CLSTN3: variants seen among roughly 807,000 people sequenced by gnomAD.
CLSTN3 encodes calsyntenin 3, also known as calsyntenin-3.
In CLSTN3, 36 loss-of-function variants were observed where a neutral mutation model predicts 95.9. That is an observed-to-expected ratio of 0.38 (90% CI 0.29 to 0.50). CLSTN3 has a LOEUF of 0.50. Among genes scored for constraint, CLSTN3 ranks in the 20% least tolerant of loss-of-function variants. The probability of loss-of-function intolerance (pLI) is 0.95; values close to 1 mark genes in which losing one functional copy is unlikely to be tolerated. For synonymous variants in CLSTN3, 481 were observed against 504.0 expected, an observed-to-expected ratio of 0.95 and a Z score of 0.61; for missense variants, 1,084 against 1,268.8, an observed-to-expected ratio of 0.85 and a Z score of 2.21.
intron 1 of CLSTN3, chr12:7,131,809 G>T (rs1939309782): frequency 6.6e-6 from 3 of 456,378 alleles, no homozygotes; most frequent in South Asian, 4.6e-5. Flanking sequence ...TTTCTCCTCA[G>T]CATTCAGGAA....
intron 16 of CLSTN3, chr12:7,156,612 G>A (rs1939821433): frequency 2.2e-6 from 1 of 456,644 alleles, no homozygotes; most frequent in East Asian, 6.9e-5. Flanking sequence ...CGGGTGTGGG[G>A]CGTGGCAACC....
Position 7,150,912 on chromosome 12 carries a change from C to T in CLSTN3, c.2392-16C>T, listed in dbSNP as rs1262210449. 2 of 1,567,878 alleles carry T rather than the reference C, an allele frequency of 1.3e-6. No individual in the cohort carries two copies. Among genetic ancestry groups the T allele is most frequent in the South Asian group, 2.4e-5 (2 of 84,592 alleles). ...GGGAGAAGCGTGTGTGCCCATGGAG[C>T]CCTCCCTCTGCCCAGGTCAATGTCC... On this transcript the variant is annotated splice_polypyrimidine_tract_variant and intron_variant, in intron 15 of 17. Coordinates refer to ENST00000266546, the MANE Select transcript of CLSTN3 (RefSeq NM_014718.4). This position sits in a 1 kb window ranked among gnomAD's most constrained non-coding sequence, Gnocchi z 4.0.
intron 16 of CLSTN3, among the ~76,000 whole-genome samples, chr12:7,155,198 G>A (rs923640952): frequency 6.6e-6 from 1 of 152,176 alleles, no homozygotes; most frequent in East Asian, 1.9e-4. Flanking sequence ...CAGATCTCAT[G>A]TAGCAAGAAA....
intron 1 of CLSTN3, chr12:7,131,837 C>T: frequency 2.2e-6 from 1 of 456,406 alleles, no homozygotes; most frequent in Admixed American, 2.3e-5. Flanking sequence ...TGGTGGTCAT[C>T]AGTAAGAAAG....
Position 7,135,367 on chromosome 12 carries a change from G to T in CLSTN3, c.424G>T (p.Ala142Ser), listed in dbSNP as rs1201579728. 1 of 1,614,030 alleles carries T rather than the reference G, an allele frequency of 6.2e-7. No individual in the cohort carries two copies. Among genetic ancestry groups the T allele is most frequent in the Non-Finnish European group, 8.5e-7 (1 of 1,180,018 alleles). The change falls in exon 4 of 18, where the codon GCC becomes TCC. Residue 142 changes from alanine (A) to serine (S), a missense_variant. Ala to Ser is a moderately conservative substitution (Grantham distance 99). Coordinates refer to ENST00000266546, the MANE Select transcript of CLSTN3 (RefSeq NM_014718.4). Reference sequence around the variant, plus strand: ...GCGGGTCAACGATGTGAACGAGTTTGCCCCAGTGTTTGTGGAACGGCTGTA... The same window carrying T: ...GCGGGTCAACGATGTGAACGAGTTTTCCCCAGTGTTTGTGGAACGGCTGTA... Reference protein sequence around the residue: ...HVRVNDVNEFAPVFVERLYRA... With the variant: ...HVRVNDVNEFSPVFVERLYRA...
intron 5 of CLSTN3, 53 bp downstream of exon 5, chr12:7,136,006 CTCTT>C (rs1241163097): frequency 1.3e-6 from 2 of 1,557,212 alleles, no homozygotes; most frequent in Non-Finnish European, 1.7e-6. Flanking sequence ...TTCTTGGTCT[CTCTT>C]TCTGTCCTTT....
intron 5 of CLSTN3, 31 bp from the exon 6 acceptor site, chr12:7,136,175 C>T: frequency 6.3e-7 from 1 of 1,598,634 alleles, no homozygotes; most frequent in Non-Finnish European, 8.6e-7. Context: ...CCTTCTCTCT[C>T]CCCATCACCC....
rs1420714608 is a variant in CLSTN3, at chr12:7,133,348, T to C, written c.187+202T>C. 1.3e-5 allele frequency among the ~76,000 whole-genome samples: 2 copies of C among 151,974 alleles called. No individual in the cohort carries two copies. Among genetic ancestry groups the C allele is most frequent in the African/African-American group, 2.4e-5 (1 of 41,358 alleles). ...AGAAAAGGACATGGCCAGGCAAGGGTTAAACACATCATGATTTTGTCAGAT... is the reference window on the plus strand; with the variant it reads ...AGAAAAGGACATGGCCAGGCAAGGGCTAAACACATCATGATTTTGTCAGAT... On this transcript the variant is annotated intron_variant, in intron 2 of 17. Coordinates refer to ENST00000266546, the MANE Select transcript of CLSTN3 (RefSeq NM_014718.4). This position sits in a 1 kb window ranked among gnomAD's most constrained non-coding sequence, Gnocchi z 4.7.
At chr12:7,147,735 G>A (rs1164820799) in intron 12 of CLSTN3, among the ~76,000 whole-genome samples, 2 of 151,792 alleles carry the variant, frequency 1.3e-5, no homozygotes, top group Admixed American at 1.3e-4. Context: ...GGCTGATCTC[G>A]AACTCCTAAG....
rs747559188 is a variant in CLSTN3, at chr12:7,157,604, C to T, written c.2643C>T (p.Gly881=). Reference sequence around the variant, plus strand: ...TTCACCGCCGCGTCTCAGGGGCCGGCGGGCCTCCAGGGGCCTCCAGTGACC... The same window carrying T: ...TTCACCGCCGCGTCTCAGGGGCCGGTGGGCCTCCAGGGGCCTCCAGTGACC... ...HSLHRRVSGA[G]GPPGASSDPK... is the part of the protein sequence containing the mutation. Residue 881 remains glycine (G), a synonymous_variant, in exon 17 of 18, where the codon GGC becomes GGT. Coordinates refer to ENST00000266546, the MANE Select transcript of CLSTN3 (RefSeq NM_014718.4). This position sits in a 1 kb window ranked among gnomAD's most constrained non-coding sequence, Gnocchi z 5.9. The T allele has an allele frequency of 6.1e-5, 99 of 1,612,088 alleles. No homozygotes were observed. The East Asian group carries it at 9.6e-4, about 16-fold the overall frequency.
chr12:7,138,155 C>A (rs1939463054), intron 8 of CLSTN3, 88 bp downstream of exon 8: 1 of 953,418 alleles, frequency 1.0e-6, no homozygotes, highest in African/African-American at 1.6e-5. Flanking sequence ...TCAGCATTTT[C>A]TGGGTTCCCC....
chr12:7,156,378 T>C (rs1203490705), intron 16 of CLSTN3: 1 of 456,782 alleles, frequency 2.2e-6, no homozygotes, highest in Non-Finnish European at 4.4e-6. Flanking sequence ...GCTGTGCTCA[T>C]GGCGGCTCGC....
chr12:7,146,445 A>C (rs1434729339), intron 12 of CLSTN3, among the ~76,000 whole-genome samples: 2 of 151,884 alleles, frequency 1.3e-5, no homozygotes, highest in Admixed American at 1.3e-4. Context: ...TTATCATGGC[A>C]TTTAAAGCTG....
In CLSTN3 at chr12:7,136,353, G is replaced by A. The variant is rs1330525617; in HGVS notation, c.890G>A (p.Arg297His). Reference sequence around the variant, plus strand: ...AGCCATGTGGCCAAGGGCTGTGACCGTGACAACTACTCAGAGCGGGCGCTG... The same window carrying A: ...AGCCATGTGGCCAAGGGCTGTGACCATGACAACTACTCAGAGCGGGCGCTG... ...QTSHVAKGCD[R>H]DNYSERALRK... The change falls in exon 6 of 18, where the codon CGT becomes CAT. Residue 297 changes from arginine (R) to histidine (H), a missense_variant. Arg to His is a conservative substitution (Grantham distance 29). Transcript: ENST00000266546. 5 of 1,613,936 alleles carry A rather than the reference G, an allele frequency of 3.1e-6. No individual in the cohort carries two copies. Among genetic ancestry groups the A allele is most frequent in the Non-Finnish European group, 4.2e-6 (5 of 1,179,970 alleles).
Position 7,130,863 on chromosome 12 carries a change from G to C in CLSTN3, c.64+151G>C, listed in dbSNP as rs980085545. The C allele has an allele frequency of 4.3e-6, 3 of 699,120 alleles. No homozygotes were observed. The African/African-American group carries it at 5.3e-5, about 12-fold the overall frequency. The allele number at this position is 699,120 out of a possible 1,614,324, so 43.3% of individuals were successfully genotyped here. A position where few individuals can be genotyped will look rare whatever the true frequency, so the allele number is the denominator to read the frequency against. ...CTCCTTCCCATCCGTTCTCAGACCT[G>C]CTCCGTCTCCTCTCTTTCTCTTCCC... On this transcript the variant is annotated intron_variant, in intron 1 of 17. Transcript: ENST00000266546.
chr12:7,132,957 A>G (rs765251400), intron 1 of CLSTN3, 67 bp from the exon 2 acceptor site: 1 of 1,607,880 alleles, frequency 6.2e-7, no homozygotes, highest in African/African-American at 1.3e-5. Context: ...TGGGTCAACA[A>G]GGGTTGTTGT....
At chr12:7,156,089 G>C (rs187603559) in intron 16 of CLSTN3, 65 of 358,754 alleles carry the variant, frequency 1.8e-4, no homozygotes, top group African/African-American at 1.3e-3. Flanking sequence ...GGGCTTGCTT[G>C]TGTGACTGCT....
Position 7,149,469 on chromosome 12 carries a change from A to G in CLSTN3, c.2075-54A>G. 6.5e-7 allele frequency: 1 copy of G among 1,545,732 alleles called. No homozygotes were observed. The highest frequency in any genetic ancestry group is 2.3e-5 in the East Asian group (1 of 44,250). ...GGTGATGAGGGCATGGTTGGGTCTC[A>G]GAACCTCCGTGGGCCCTTTGGCTCT... On this transcript the variant is annotated intron_variant, in intron 13 of 17. Transcript: ENST00000266546. The surrounding 1 kb of genome is among the most constrained non-coding windows in gnomAD (Gnocchi z 4.5).
rs147076731 is a variant in CLSTN3, at chr12:7,150,952, C to T, written c.2416C>T (p.Arg806Trp). The change falls in exon 16 of 18, where the codon CGG (arginine) becomes TGG (tryptophan). Residue 806 changes from arginine (R) to tryptophan (W), a missense_variant. Coordinates refer to ENST00000266546, the MANE Select transcript of CLSTN3 (RefSeq NM_014718.4). This position sits in a 1 kb window ranked among gnomAD's most constrained non-coding sequence, Gnocchi z 4.0. ...VEVNVLHSMN[R>W]VAHPSHVLSS... is the part of the protein sequence containing the mutation. ...GGTCAATGTCCTGCACAGCATGAAC[C>T]GGGTTGCCCACCCCAGCCACGTGCT... The T allele has an allele frequency of 2.5e-4, 397 of 1,609,684 alleles. No homozygotes were observed. Among genetic ancestry groups the T allele is most frequent in the Non-Finnish European group, 2.8e-4 (332 of 1,177,380 alleles).
Sources: gnomAD v4.1 joint callset for allele counts (sites outside exome capture counted in the v4.1 genomes callset) on GRCh38, gnomAD v4.1.1 for gene constraint, Gnocchi (gnomAD v3.1) non-coding constraint, MANE v1.5 for transcripts, NCBI Gene and HGNC (gene_info 2026-07-23, HGNC 2026-07-21) for gene names.